ZC3H7A: variants seen among roughly 807,000 people sequenced by gnomAD.
ZC3H7A encodes zinc finger CCCH-type containing 7A.
Under a neutral mutation model 125.5 loss-of-function variants are expected in ZC3H7A, and 44 were observed. That is an observed-to-expected ratio of 0.35 (90% CI 0.28 to 0.45). ZC3H7A has a LOEUF of 0.45. Among genes scored for constraint, ZC3H7A ranks in the 20% least tolerant of loss-of-function variants. The probability of loss-of-function intolerance (pLI) is 1.00; values close to 1 mark genes in which losing one functional copy is unlikely to be tolerated. For missense variants in ZC3H7A, 977 were observed against 1,170.7 expected (o/e 0.83, Z 2.41); for synonymous variants, 399 against 391.2 (o/e 1.02, Z -0.23).
Position 11,781,438 on chromosome 16 carries a change from T to A in ZC3H7A, c.95A>T (p.Gln32Leu). 1 of 1,607,372 alleles carries A rather than the reference T, an allele frequency of 6.2e-7. No homozygotes were observed. The highest frequency in any genetic ancestry group is 8.5e-7 in the Non-Finnish European group (1 of 1,175,292). Residue 32 changes from glutamine (Q) to leucine (L), a missense_variant, in exon 3 of 23, where the codon CAG (glutamine) becomes CTG (leucine). Coordinates refer to ENST00000355758, the MANE Select transcript of ZC3H7A (RefSeq NM_014153.4). Reference protein sequence around the residue: ...IQSPLSYPGTQEQYAVYLRAL... With the variant: ...IQSPLSYPGTLEQYAVYLRAL... ...CGGAGTCATTACCGCATATTGCTCC[T>A]GTGTTCCTGGATATGACAGCGGTGA...
Position 11,790,885 on chromosome 16 carries a change from T to C in ZC3H7A, c.-35+6239A>G, listed in dbSNP as rs570530179. Among the ~76,000 whole-genome samples, 4 of 151,198 alleles carry C rather than the reference T, an allele frequency of 2.6e-5. No homozygotes were observed. The East Asian group carries it at 7.9e-4, about 30-fold the overall frequency. ...AGCAACATTCTGCCTCAAAAATAAATAGATAAATAAAACAAGTAAAAAATA... is the reference window on the plus strand; with the variant it reads ...AGCAACATTCTGCCTCAAAAATAAACAGATAAATAAAACAAGTAAAAAATA... On this transcript the variant is annotated intron_variant, in intron 1 of 22. Transcript: ENST00000355758.
intron 1 of ZC3H7A, among the ~76,000 whole-genome samples, chr16:11,794,036 C>A (rs1326900221): frequency 6.6e-6 from 1 of 152,214 alleles, no homozygotes; most frequent in Non-Finnish European, 1.5e-5. Context: ...TCGGCACCCA[C>A]GCCCTGCTAA....
intron 4 of ZC3H7A, 97 bp from the exon 5 acceptor site, chr16:11,777,006 A>C: frequency 1.0e-6 from 1 of 967,140 alleles, no homozygotes; most frequent in Non-Finnish European, 1.4e-6. Context: ...ACCCCATCCT[A>C]TTACCCTCCC....
chr16:11,775,026 C>G lies in ZC3H7A; in HGVS notation c.586-13G>C, dbSNP rs2053055878. On this transcript the variant is annotated splice_polypyrimidine_tract_variant and intron_variant, in intron 7 of 22. Transcript: ENST00000355758. ...AATGGTTCAAAGCCTAGAAATTAAACCAAACAATGGGTTATAATATTTTCA... is the reference window on the plus strand; with the variant it reads ...AATGGTTCAAAGCCTAGAAATTAAAGCAAACAATGGGTTATAATATTTTCA... 1 of 1,613,698 alleles carries G rather than the reference C, an allele frequency of 6.2e-7. No individual in the cohort carries two copies.
At chr16:11,754,148 C>G (rs2052596828) in intron 21 of ZC3H7A, among the ~76,000 whole-genome samples, 2 of 151,306 alleles carry the variant, frequency 1.3e-5, no homozygotes, top group Non-Finnish European at 1.5e-5. Flanking sequence ...AAAAATTAGC[C>G]AGGCATGGTG....
rs182746580 is a variant in ZC3H7A at position 11,781,694 on chromosome 16, A to G, written c.69-230T>C. Reference sequence around the variant, plus strand: ...TATATACTATTCCTTAGTATTTTTTAAGTACAACACTTTACTTTCAAACCT... The same window carrying G: ...TATATACTATTCCTTAGTATTTTTTGAGTACAACACTTTACTTTCAAACCT... On this transcript the variant is annotated intron_variant, in intron 2 of 22. Coordinates refer to ENST00000355758, the MANE Select transcript of ZC3H7A (RefSeq NM_014153.4). Among the ~76,000 whole-genome samples the G allele has an allele frequency of 9.5e-4, 144 of 151,208 alleles. 1 individual carries two copies. Among genetic ancestry groups the G allele is most frequent in the South Asian group, 1.9e-3 (9 of 4,818 alleles).
chr16:11,760,183 G>GA (rs1410595638), intron 19 of ZC3H7A, among the ~76,000 whole-genome samples: 2 of 149,584 alleles, frequency 1.3e-5, no homozygotes, highest in East Asian at 2.0e-4. Context: ...TATGGCAGGG[G>GA]AAAAAAAAGA....
chr16:11,765,417 C>A lies in ZC3H7A; in HGVS notation c.1719+72G>T. 2 of 1,083,532 alleles carry A rather than the reference C, an allele frequency of 1.8e-6. No homozygotes were observed. Among genetic ancestry groups the A allele is most frequent in the Non-Finnish European group, 1.3e-6 (1 of 774,504 alleles). The allele number at this position is 1,083,532 out of a possible 1,614,324, so 67.1% of individuals were successfully genotyped here. On this transcript the variant is annotated intron_variant, in intron 14 of 22. Transcript: ENST00000355758. The surrounding 1 kb of genome is among the most constrained non-coding windows in gnomAD (Gnocchi z 4.8). ...TTCATTTACCAAGTGAATGTTTTAT[C>A]ACATGGCAGGACAATACCACTGGGC...
At position 11,770,900 on chromosome 16, in the gene ZC3H7A, T is replaced by A; in HGVS notation, c.991A>T (p.Ile331Phe). 23 of 1,614,094 alleles carry A rather than the reference T, an allele frequency of 1.4e-5. No individual in the cohort carries two copies. The highest frequency in any genetic ancestry group is 1.9e-5 in the Non-Finnish European group (23 of 1,179,992). Residue 331 changes from isoleucine to phenylalanine, a missense_variant, in exon 10 of 23, where the codon ATT (isoleucine) becomes TTT (phenylalanine). Physicochemically the swap from Ile to Phe is conservative, Grantham distance 21. This residue lies in a region of ZC3H7A where 342 missense variants were observed against 311.3 expected (regional missense o/e 1.10). Coordinates refer to ENST00000355758, the MANE Select transcript of ZC3H7A (RefSeq NM_014153.4). ...FSASLLGTLP[I>F]GARYAPPPSF... ...GGTGGAGGAGCATACCTCGCACCAA[T>A]GGGTAAGGTTCCTAACAGCGATGCC...
At chr16:11,762,080 C>T (rs1399881164) in intron 17 of ZC3H7A, 37 bp from the exon 18 acceptor site, 2 of 1,534,500 alleles carry the variant, frequency 1.3e-6, no homozygotes, top group African/African-American at 2.8e-5. Context: ...ATTTTTTTAA[C>T]AGAAAACCAG....
Position 11,774,314 on chromosome 16 carries a change from T to G in ZC3H7A, c.825A>C (p.Leu275=), listed in dbSNP as rs753452362. Residue 275 remains leucine, a synonymous_variant, in exon 9 of 23, where the codon CTA becomes CTC. Coordinates refer to ENST00000355758, the MANE Select transcript of ZC3H7A (RefSeq NM_014153.4). ...CTCCAAGGACCATATCTCCATCATC[T>G]AGAAAAGCTTCTGGCATAGTGAAGG... is the stretch of plus-strand genomic sequence containing the variant. The part of the protein sequence containing the change: ...KMPFTMPEAF[L]DDGDMVLGDE... 6 of 1,614,040 alleles carry G rather than the reference T, an allele frequency of 3.7e-6. No homozygotes were observed. The East Asian group carries it at 1.1e-4, about 30-fold the overall frequency.
intron 1 of ZC3H7A, among the ~76,000 whole-genome samples, chr16:11,784,375 A>C (rs1158843462): frequency 6.6e-6 from 1 of 152,036 alleles, no homozygotes; most frequent in African/African-American, 2.4e-5. Context: ...AAAAATTTAT[A>C]TGTACAAAAT....
chr16:11,754,932 G>A (rs1049781698), intron 21 of ZC3H7A, among the ~76,000 whole-genome samples: 47 of 150,128 alleles, frequency 3.1e-4, no homozygotes, highest in Non-Finnish European at 6.1e-4. Context: ...TGTGTTGGCC[G>A]GGCACAGTGG....
chr16:11,784,875 T>C (rs1167141355), intron 1 of ZC3H7A, among the ~76,000 whole-genome samples: 2 of 98,332 alleles, frequency 2.0e-5, no homozygotes, highest in Admixed American at 1.1e-4. Context: ...AAAAAAAAAA[T>C]TGGCAGGGCA....
intron 1 of ZC3H7A, among the ~76,000 whole-genome samples, chr16:11,793,553 G>A: frequency 6.7e-6 from 1 of 149,748 alleles, no homozygotes; most frequent in East Asian, 2.0e-4. Flanking sequence ...GGGTGGGGGG[G>A]AGGAAAAATG....
At chr16:11,783,858 T>C (rs1177442263) in intron 1 of ZC3H7A, among the ~76,000 whole-genome samples, 2 of 152,200 alleles carry the variant, frequency 1.3e-5, no homozygotes, top group African/African-American at 4.8e-5. Flanking sequence ...AACCCTTTCT[T>C]CTTTGAAACA....
intron 4 of ZC3H7A, among the ~76,000 whole-genome samples, chr16:11,778,310 G>C (rs893935684): frequency 6.6e-6 from 1 of 151,894 alleles, no homozygotes; most frequent in South Asian, 2.1e-4. Context: ...GGCGGCATGC[G>C]CCTGTAGTCC....
chr16:11,761,729 T>G lies in ZC3H7A; in HGVS notation c.2213+181A>C, dbSNP rs554403173. 17 of 903,488 alleles carry G rather than the reference T, an allele frequency of 1.9e-5. 2 individuals are homozygous for G. In the South Asian group the frequency reaches 3.1e-4, roughly 16 times the overall value. 56.0% of individuals were successfully genotyped at this position (903,488 alleles called of 1,614,324 possible). On this transcript the variant is annotated intron_variant, in intron 18 of 22. Transcript: ENST00000355758. ...TTGATAAAATACAGGAAAAAAACAC[T>G]ACTTGTGAATTCTTATCTACTAGGT...
At chr16:11,763,809 CTT>C (rs561899308) in intron 15 of ZC3H7A, 150 bp from the exon 16 acceptor site, 21 of 164,146 alleles carry the variant, frequency 1.3e-4, no homozygotes, top group Middle Eastern at 5.4e-3. Flanking sequence ...TTTTTTTTCT[CTT>C]TTTTTTTTTT....
Sources: gnomAD v4.1 joint callset for allele counts (sites outside exome capture counted in the v4.1 genomes callset) on GRCh38, gnomAD v4.1.1 for gene constraint, gnomAD v4.1.1 regional missense constraint, Gnocchi (gnomAD v3.1) non-coding constraint, MANE v1.5 for transcripts, NCBI Gene and HGNC (gene_info 2026-07-23, HGNC 2026-07-21) for gene names.